The following LMO1 variants were observed in gnomAD, a reference collection of about 807,000 sequenced individuals.
LMO1 encodes the protein LIM domain only 1, also known as rhombotin-1.
A neutral mutation model predicts 18.0 loss-of-function variants in LMO1; 10 were observed. The observed-to-expected ratio is 0.55, with a 90% CI of 0.34 to 0.94. The LOEUF is 0.94. Ranked by LOEUF, LMO1 falls within the 40% of genes least tolerant of loss-of-function variation. The pLI is 0.02. For missense variants in LMO1, 183 were observed against 205.7 expected (o/e 0.89, Z 0.68); for synonymous variants, 77 against 77.9 (o/e 0.99, Z 0.06).
At chr11:8,238,361 A>G (rs1952797910) in intron 1 of LMO1, among the ~76,000 whole-genome samples, 1 of 152,210 alleles carries the variant, frequency 6.6e-6, no homozygotes, top group Non-Finnish European at 1.5e-5. Flanking sequence ...GGCAAAACCG[A>G]TCTGATGTCA....
chr11:8,259,204 AC>A (rs1847146501), intron 1 of LMO1, among the ~76,000 whole-genome samples: 1 of 152,194 alleles, frequency 6.6e-6, no homozygotes, highest in Non-Finnish European at 1.5e-5. Context: ...CGGACGACAG[AC>A]CAATTTATGT....
intron 1 of LMO1, among the ~76,000 whole-genome samples, chr11:8,252,622 C>G (rs1847020360): frequency 6.6e-6 from 1 of 152,268 alleles, no homozygotes. Context: ...TTTCAGGAAG[C>G]AGGCAGCCAC....
At chr11:8,252,504 C>G (rs1847018820) in intron 1 of LMO1, among the ~76,000 whole-genome samples, 1 of 152,258 alleles carries the variant, frequency 6.6e-6, no homozygotes, top group Non-Finnish European at 1.5e-5. Context: ...TGGGCTGGAC[C>G]TAGTGGCTTG....
At chr11:8,227,248 G>A in intron 2 of LMO1, 148 bp from the exon 3 acceptor site, 1 of 1,334,760 alleles carries the variant, frequency 7.5e-7, no homozygotes, top group Non-Finnish European at 1.0e-6. Context: ...AGAGCACTGA[G>A]GGCAGCATCT....
intron 1 of LMO1, among the ~76,000 whole-genome samples, chr11:8,254,609 TATGGTCCCTCCC>T (rs1266910455): frequency 6.6e-6 from 1 of 151,942 alleles, no homozygotes; most frequent in Non-Finnish European, 1.5e-5. Context: ...CTGACCTGAT[TATGGTCCCTCCC>T]CACCGAGGCT....
chr11:8,263,298 G>A, intron 1 of LMO1, 40 bp downstream of exon 1: 1 of 1,581,558 alleles, frequency 6.3e-7, no homozygotes, highest in Non-Finnish European at 8.6e-7. Flanking sequence ...GGCAGGGGGC[G>A]AGGGGGTGAG....
At chr11:8,234,881 C>G (rs954742770) in intron 1 of LMO1, among the ~76,000 whole-genome samples, 2 of 152,180 alleles carry the variant, frequency 1.3e-5, no homozygotes, top group African/African-American at 4.8e-5. Flanking sequence ...CCAAAAAGGT[C>G]AGAGTCAAGA....
At chr11:8,229,002 T>G (rs1590521201) in intron 2 of LMO1, among the ~76,000 whole-genome samples, 1 of 152,020 alleles carries the variant, frequency 6.6e-6, no homozygotes, top group Non-Finnish European at 1.5e-5. Context: ...ATCCTTCCAC[T>G]TCAGCCTCCT....
At chr11:8,268,366 G>T (rs1847282262), upstream of LMO1, 2 of 1,412,398 alleles carry the variant, frequency 1.4e-6, no homozygotes, top group East Asian at 6.1e-5. Flanking sequence ...GGCCAGCGCC[G>T]CAGTCTCCGC....
chr11:8,250,269 G>C (rs987501305), intron 1 of LMO1, among the ~76,000 whole-genome samples: 1 of 152,124 alleles, frequency 6.6e-6, no homozygotes, highest in South Asian at 2.1e-4. Flanking sequence ...TGATTCTTCT[G>C]TCAATTTTTA....
intron 1 of LMO1, among the ~76,000 whole-genome samples, chr11:8,244,300 C>T (rs1846857291): frequency 6.6e-6 from 1 of 152,226 alleles, no homozygotes; most frequent in Non-Finnish European, 1.5e-5. Context: ...CTGGGTAAGG[C>T]TCCTCTTAGT....
chr11:8,239,175 C>G (rs764957580), intron 1 of LMO1, among the ~76,000 whole-genome samples: 1 of 152,228 alleles, frequency 6.6e-6, no homozygotes, highest in Admixed American at 6.5e-5. Flanking sequence ...ATCCAGCACA[C>G]GCCCAGGGCT....
At position 8,230,493 on chromosome 11, in the gene LMO1, G is replaced by T. The variant is rs777906854; in HGVS notation, c.37C>A (p.Leu13Ile). 6.2e-7 allele frequency: 1 copy of T among 1,612,110 alleles called. No individual in the cohort carries two copies. Among genetic ancestry groups the T allele is most frequent in the Non-Finnish European group, 8.5e-7 (1 of 1,179,846 alleles). The change falls in exon 2 of 4, where the codon CTC becomes ATC. Residue 13 changes from leucine to isoleucine, a missense_variant. Transcript: ENST00000335790. ...TGCTTCCCTTTGGGCTGGACGGAGA[G>T]CATCGGCACGCCTGCAGACGGACAG... is the stretch of plus-strand genomic sequence containing the variant. ...VLDKEDGVPM[L>I]SVQPKGKQKG...
intron 2 of LMO1, among the ~76,000 whole-genome samples, chr11:8,229,752 T>C (rs1952618765): frequency 6.6e-6 from 1 of 152,214 alleles, no homozygotes. Flanking sequence ...AACCCAGGTC[T>C]TGAAGCTCCA....
upstream of LMO1, among the ~76,000 whole-genome samples, chr11:8,265,952 C>T (rs1193841611): frequency 6.6e-6 from 1 of 152,218 alleles, no homozygotes; most frequent in Non-Finnish European, 1.5e-5. Context: ...ACTCTCTTGT[C>T]CACGAGTTTG....
At chr11:8,240,243 C>T (rs1590540684) in intron 1 of LMO1, among the ~76,000 whole-genome samples, 2 of 152,234 alleles carry the variant, frequency 1.3e-5, no homozygotes, top group South Asian at 2.1e-4. Flanking sequence ...GGGCCATTTC[C>T]TGTGGAGGAG....
At chr11:8,227,201 C>A in intron 2 of LMO1, 101 bp from the exon 3 acceptor site, 2 of 1,520,164 alleles carry the variant, frequency 1.3e-6, no homozygotes, top group East Asian at 4.6e-5. Flanking sequence ...CATACTCCAA[C>A]TTGTGGGCTC....
intron 1 of LMO1, among the ~76,000 whole-genome samples, chr11:8,260,575 CA>C (rs1032944108): frequency 1.7e-4 from 19 of 114,284 alleles, no homozygotes; most frequent in East Asian, 5.3e-4. Flanking sequence ...TGCTTAAAAG[CA>C]AAAAAAAATT....
chr11:8,242,825 G>A (rs1022327577), intron 1 of LMO1, among the ~76,000 whole-genome samples: 10 of 152,214 alleles, frequency 6.6e-5, no homozygotes, highest in Non-Finnish European at 1.3e-4. Context: ...GCACCAGCGC[G>A]CTGAACCAGA....
Sources: allele counts gnomAD v4.1 joint callset (sites outside exome capture counted in the v4.1 genomes callset), GRCh38; gene constraint gnomAD v4.1.1; transcripts MANE v1.5; gene names NCBI Gene and HGNC (gene_info 2026-07-23, HGNC 2026-07-21).